Variants in TNNI3K observed in about 807,000 individuals in gnomAD.
TNNI3K encodes the protein TNNI3 interacting kinase.
TNNI3K carries 140 observed loss-of-function variants against 114.5 expected under a neutral mutation model. The ratio of observed to expected loss-of-function variants is 1.22; its 90% CI spans 1.07 to 1.41. The LOEUF (loss-of-function observed/expected upper bound fraction) is 1.41. TNNI3K is among the 40% of genes most tolerant of loss of function. The pLI is 0.00. For missense variants in TNNI3K, 1,125 were observed against 1,007.6 expected (o/e 1.12, Z -1.58); for synonymous variants, 347 against 347.5 (o/e 1.00, Z 0.02).
intron 23 of TNNI3K, among the ~76,000 whole-genome samples, chr1:74,529,369 A>G (rs771688494): frequency 3.3e-5 from 5 of 152,310 alleles, no homozygotes; most frequent in Non-Finnish European, 5.9e-5. Flanking sequence ...ACCTCTGATA[A>G]AACCAAATTG....
intron 5 of TNNI3K, among the ~76,000 whole-genome samples, chr1:74,326,798 A>T (rs1659928481): frequency 6.6e-6 from 1 of 152,146 alleles, no homozygotes; most frequent in Admixed American, 6.6e-5. Flanking sequence ...AAGAGAAGGG[A>T]AGACATTCTA....
intron 23 of TNNI3K, among the ~76,000 whole-genome samples, chr1:74,497,982 T>C (rs187586903): frequency 4.6e-5 from 7 of 152,256 alleles, no homozygotes; most frequent in African/African-American, 1.7e-4. Flanking sequence ...TGTGGGAGGC[T>C]TTTTTGTTTG....
At chr1:74,337,442 T>G (rs979335123) in intron 7 of TNNI3K, among the ~76,000 whole-genome samples, 1 of 152,074 alleles carries the variant, frequency 6.6e-6, no homozygotes, top group African/African-American at 2.4e-5. Context: ...ATGTCCTGAA[T>G]GGTAATGCCT....
At chr1:74,425,675 A>G (rs970532601) in intron 17 of TNNI3K, among the ~76,000 whole-genome samples, 2 of 152,116 alleles carry the variant, frequency 1.3e-5, no homozygotes, top group Non-Finnish European at 1.5e-5. Flanking sequence ...AACAAATACT[A>G]TGAAAGCCGG....
chr1:74,443,284 A>C (rs1666464343), intron 20 of TNNI3K, among the ~76,000 whole-genome samples: 1 of 151,994 alleles, frequency 6.6e-6, no homozygotes, highest in African/African-American at 2.4e-5. Context: ...TAAAGAAGAA[A>C]AGAGAATAAT....
intron 17 of TNNI3K, among the ~76,000 whole-genome samples, chr1:74,411,293 A>G (rs1392736123): frequency 6.6e-6 from 1 of 152,180 alleles, no homozygotes; most frequent in Non-Finnish European, 1.5e-5. Context: ...ATCATTATAA[A>G]CCATTTGGGA....
At chr1:74,493,084 C>G (rs938271333) in intron 23 of TNNI3K, among the ~76,000 whole-genome samples, 1 of 152,100 alleles carries the variant, frequency 6.6e-6, no homozygotes, top group Non-Finnish European at 1.5e-5. Context: ...GCCTTCTCTC[C>G]AATTTAGTCA....
intron 24 of TNNI3K, among the ~76,000 whole-genome samples, chr1:74,541,075 A>G (rs997412903): frequency 6.6e-6 from 1 of 152,140 alleles, no homozygotes; most frequent in Non-Finnish European, 1.5e-5. Context: ...CCATTTATCC[A>G]TTGCAACTTC....
intron 5 of TNNI3K, among the ~76,000 whole-genome samples, chr1:74,273,645 A>G (rs1306290848): frequency 6.6e-6 from 1 of 151,954 alleles, no homozygotes; most frequent in Non-Finnish European, 1.5e-5. Context: ...TTTCTAAATC[A>G]TAATATGGAA....
At chr1:74,399,673 C>G (rs1006575399) in intron 17 of TNNI3K, among the ~76,000 whole-genome samples, 1 of 152,070 alleles carries the variant, frequency 6.6e-6, no homozygotes, top group African/African-American at 2.4e-5. Context: ...GTATAGATCA[C>G]CTAAGGAACC....
intron 17 of TNNI3K, among the ~76,000 whole-genome samples, chr1:74,434,048 A>G (rs1225897233): frequency 2.0e-5 from 3 of 151,638 alleles, no homozygotes; most frequent in African/African-American, 7.3e-5. Context: ...TCTTTTTTCT[A>G]CTCTACCTTC....
intron 23 of TNNI3K, among the ~76,000 whole-genome samples, chr1:74,497,644 C>T (rs1304022028): frequency 6.6e-6 from 1 of 151,718 alleles, no homozygotes; most frequent in African/African-American, 2.4e-5. Context: ...AATTGAACCC[C>T]AGATCATTTA....
intron 9 of TNNI3K, among the ~76,000 whole-genome samples, chr1:74,347,304 T>A (rs1343504142): frequency 6.6e-6 from 1 of 151,972 alleles, no homozygotes; most frequent in African/African-American, 2.4e-5. Flanking sequence ...TCCAGCTTCA[T>A]CCATGTCCCT....
rs983109062 is a variant in TNNI3K, at chr1:74,336,786, T to G, written c.682+637T>G. ...TTGGGTTGGTTCCAAGTCTTTGCTATTGTGAATAATGCCGCAATAAACATA... is the reference window on the plus strand; with the variant it reads ...TTGGGTTGGTTCCAAGTCTTTGCTAGTGTGAATAATGCCGCAATAAACATA... On this transcript the variant is annotated intron_variant, in intron 7 of 24. Transcript: ENST00000326637. Among the ~76,000 whole-genome samples, 9 of 151,656 alleles carry G rather than the reference T, an allele frequency of 5.9e-5. 1 individual carries two copies. In the South Asian group the frequency reaches 8.4e-4, roughly 14 times the overall value.
chr1:74,342,753 ACT>A, intron 7 of TNNI3K, 87 bp from the exon 8 acceptor site: 2 of 1,490,404 alleles, frequency 1.3e-6, no homozygotes, highest in Non-Finnish European at 1.8e-6. Context: ...TCACTCAGGC[ACT>A]TAGAAATGTC....
intron 11 of TNNI3K, among the ~76,000 whole-genome samples, chr1:74,363,490 A>G (rs1355977803): frequency 6.6e-6 from 1 of 152,070 alleles, no homozygotes; most frequent in East Asian, 1.9e-4. Context: ...TGCTGGCAGG[A>G]AATGAAAACT....
chr1:74,538,026 G>A (rs12041912), intron 23 of TNNI3K, among the ~76,000 whole-genome samples: 62,181 of 152,008 alleles, frequency 0.41, 15,029 homozygotes, highest in Non-Finnish European at 0.56. Context: ...GATGGTGTCA[G>A]GATTCAAATT....
intron 5 of TNNI3K, among the ~76,000 whole-genome samples, chr1:74,301,991 C>T (rs774616720): frequency 7.9e-5 from 12 of 152,318 alleles, no homozygotes; most frequent in Non-Finnish European, 1.8e-4. Context: ...CCTTGTTTCA[C>T]TGCACTTTGC....
intron 5 of TNNI3K, among the ~76,000 whole-genome samples, chr1:74,285,607 C>CT (rs1657281755): frequency 1.3e-5 from 2 of 152,226 alleles, no homozygotes; most frequent in Admixed American, 6.5e-5. Context: ...TTATTATACT[C>CT]TTTTTTGAGC....
Sources: gnomAD v4.1 joint callset for allele counts (sites outside exome capture counted in the v4.1 genomes callset) on GRCh38, gnomAD v4.1.1 for gene constraint, MANE v1.5 for transcripts, NCBI Gene and HGNC (gene_info 2026-07-23, HGNC 2026-07-21) for gene names.